The following SH3PXD2B variants were observed in gnomAD, a reference collection of about 807,000 sequenced individuals.
SH3PXD2B encodes SH3 and PX domains 2B, also known as SH3 and PX domain-containing protein 2B.
In SH3PXD2B, 37 loss-of-function variants were observed where a neutral mutation model predicts 73.1. That is an observed-to-expected ratio of 0.51 (90% CI 0.39 to 0.67). The LOEUF (loss-of-function observed/expected upper bound fraction) is 0.67. SH3PXD2B is among the 30% of genes least tolerant of loss of function. The pLI is 0.00. For missense variants in SH3PXD2B, 1,053 were observed against 1,197.8 expected, an observed-to-expected ratio of 0.88 and a Z score of 1.78; for synonymous variants, 457 against 480.5, an observed-to-expected ratio of 0.95 and a Z score of 0.64.
At chr5:172,348,666 T>TCTATCTATC (rs1561896712) in intron 10 of SH3PXD2B, among the ~76,000 whole-genome samples, 11 of 40,432 alleles carry the variant, frequency 2.7e-4, no homozygotes, top group African/African-American at 8.2e-4. Flanking sequence ...TATCTATCTA[T>TCTATCTATC]CTATCTATCT....
chr5:172,367,108 C>T (rs1439778326), intron 6 of SH3PXD2B, among the ~76,000 whole-genome samples: 2 of 149,736 alleles, frequency 1.3e-5, no homozygotes, highest in South Asian at 2.1e-4. Flanking sequence ...AGCTAATTTT[C>T]GTATTTTTAG....
intron 12 of SH3PXD2B, among the ~76,000 whole-genome samples, chr5:172,340,566 G>A (rs1756828682): frequency 6.6e-6 from 1 of 152,098 alleles, no homozygotes; most frequent in Admixed American, 6.5e-5. Context: ...GAAGTTAGCT[G>A]GCATTTATAG....
chr5:172,328,187 C>T (rs937513623), intron 12 of SH3PXD2B, among the ~76,000 whole-genome samples: 1 of 150,094 alleles, frequency 6.7e-6, no homozygotes, highest in Admixed American at 6.7e-5. Flanking sequence ...AGTACAATGG[C>T]GTGGTCTCAG....
chr5:172,413,826 T>C (rs945393486), intron 2 of SH3PXD2B, among the ~76,000 whole-genome samples: 5 of 152,208 alleles, frequency 3.3e-5, no homozygotes, highest in African/African-American at 9.7e-5. Flanking sequence ...GCACAACACG[T>C]TGGAGGCATA....
intron 4 of SH3PXD2B, among the ~76,000 whole-genome samples, chr5:172,386,066 T>C (rs1437223439): frequency 1.3e-5 from 2 of 152,184 alleles, no homozygotes; most frequent in East Asian, 1.9e-4. Context: ...CAAGTCCTGC[T>C]TGCAGAGGGT....
At chr5:172,401,628 G>A (rs771293474) in intron 3 of SH3PXD2B, among the ~76,000 whole-genome samples, 1 of 152,226 alleles carries the variant, frequency 6.6e-6, no homozygotes, top group Non-Finnish European at 1.5e-5. Flanking sequence ...CAGGGACCCC[G>A]AACGAAGGGA....
chr5:172,430,958 C>T (rs1428889444), intron 1 of SH3PXD2B, among the ~76,000 whole-genome samples: 3 of 152,082 alleles, frequency 2.0e-5, no homozygotes, highest in Non-Finnish European at 4.4e-5. Flanking sequence ...CCTCCACATC[C>T]CGGGTTCAAG....
At position 172,338,201 on chromosome 5, in the gene SH3PXD2B, C is replaced by G; in HGVS notation, c.*168G>C. 6.6e-7 allele frequency: 1 copy of G among 1,507,796 alleles called. No individual in the cohort carries two copies. The highest frequency in any genetic ancestry group is 2.5e-5 in the East Asian group (1 of 40,720). The allele number at this position is 1,507,796 out of a possible 1,614,324, so 93.4% of individuals were successfully genotyped here. On this transcript the variant is annotated 3_prime_UTR_variant, in exon 13 of 13. Transcript: ENST00000311601. The surrounding 1 kb of genome is among the most constrained non-coding windows in gnomAD (Gnocchi z 5.1). The stretch of plus-strand genomic sequence containing the variant: ...TAGGAGGGATCAGGCCCAGGGGCGC[C>G]CGAGGTGTCCGAAACTCACTCTCCA...
chr5:172,436,722 T>C (rs1350670425), intron 1 of SH3PXD2B, among the ~76,000 whole-genome samples: 1 of 152,220 alleles, frequency 6.6e-6, no homozygotes, highest in African/African-American at 2.4e-5. Context: ...ACGGAGGGGC[T>C]AGGGCTTCCG....
rs149057624 is a variant in SH3PXD2B, at chr5:172,341,909, G to A, written c.1189-1993C>T. 4.6e-3 allele frequency among the ~76,000 whole-genome samples: 700 copies of A among 151,844 alleles called. 2 individuals carry two copies. Among genetic ancestry groups the A allele is most frequent in the Middle Eastern group, 0.01 (3 of 292 alleles). ...CCTGACCTCGTGATCTGCCCATCTC[G>A]GCCTCCCAAAGTGCTGGGATTATAG... On this transcript the variant is annotated intron_variant, in intron 12 of 12. Transcript: ENST00000311601.
rs554063689 is a variant in SH3PXD2B at position 172,353,600 on chromosome 5, T to C, written c.785+288A>G. ...AGCTTTGGCCTCCAACTCCTCATTA[T>C]GAGAAACATCTGGAGGTGGAAACCA... On this transcript the variant is annotated intron_variant, in intron 9 of 12. Coordinates refer to ENST00000311601, the MANE Select transcript of SH3PXD2B (RefSeq NM_001017995.3). This position sits in a 1 kb window ranked among gnomAD's most constrained non-coding sequence, Gnocchi z 4.3. 1.1e-3 allele frequency among the ~76,000 whole-genome samples: 166 copies of C among 152,304 alleles called. 2 individuals carry two copies. Among genetic ancestry groups the C allele is most frequent in the East Asian group, 7.7e-4 (4 of 5,180 alleles).
intron 1 of SH3PXD2B, among the ~76,000 whole-genome samples, chr5:172,429,378 G>A (rs1297287519): frequency 6.6e-6 from 1 of 152,178 alleles, no homozygotes; most frequent in Non-Finnish European, 1.5e-5. Flanking sequence ...GAACAAGGAA[G>A]CACAGAAACC....
intron 1 of SH3PXD2B, among the ~76,000 whole-genome samples, chr5:172,435,264 T>C (rs1016493089): frequency 1.3e-5 from 2 of 152,198 alleles, no homozygotes; most frequent in African/African-American, 4.8e-5. Flanking sequence ...AAAAGTAATT[T>C]AAGTAAAAAT....
chr5:172,446,176 A>G (rs894322959), intron 1 of SH3PXD2B, among the ~76,000 whole-genome samples: 1 of 152,150 alleles, frequency 6.6e-6, no homozygotes, highest in South Asian at 2.1e-4. Flanking sequence ...ACCCCTCCTC[A>G]GGCATTCTGC....
chr5:172,362,662 A>C, intron 7 of SH3PXD2B, 73 bp downstream of exon 7: 1 of 1,610,442 alleles, frequency 6.2e-7, no homozygotes, highest in Non-Finnish European at 8.5e-7. Context: ...TCAGTTTCTG[A>C]GTTTCCAAAT....
At chr5:172,370,921 T>C (rs1016662323) in intron 6 of SH3PXD2B, among the ~76,000 whole-genome samples, 1 of 152,220 alleles carries the variant, frequency 6.6e-6, no homozygotes, top group South Asian at 2.1e-4. Flanking sequence ...GGCAGGCAAC[T>C]AAAGCTAAAT....
Position 172,334,766 on chromosome 5 carries a change from G to A in SH3PXD2B, c.*3603C>T, listed in dbSNP as rs546085815. On this transcript the variant is annotated 3_prime_UTR_variant, in exon 13 of 13. Coordinates refer to ENST00000311601, the MANE Select transcript of SH3PXD2B (RefSeq NM_001017995.3). The stretch of plus-strand genomic sequence containing the variant: ...GGAGAGGCGAAATAAATACCAGACT[G>A]TCCACTCCTCAGCCTAAGGTCCTTC... The A allele has an allele frequency of 1.3e-4, 126 of 985,434 alleles. No individual in the cohort carries two copies. In the Admixed American group the frequency reaches 3.5e-3, roughly 27 times the overall value. The allele number at this position is 985,434 out of a possible 1,614,324, so 61.0% of individuals were successfully genotyped here. A position where few individuals can be genotyped will look rare whatever the true frequency, so the allele number is the denominator to read the frequency against.
chr5:172,417,119 A>G (rs865887967), intron 2 of SH3PXD2B, among the ~76,000 whole-genome samples: 1 of 152,078 alleles, frequency 6.6e-6, no homozygotes, highest in African/African-American at 2.4e-5. Context: ...TGGAGGGGGC[A>G]TATTGTTTTC....
At chr5:172,442,230 C>G (rs1759565054) in intron 1 of SH3PXD2B, among the ~76,000 whole-genome samples, 1 of 152,164 alleles carries the variant, frequency 6.6e-6, no homozygotes, top group Non-Finnish European at 1.5e-5. Context: ...AGGCTGACTG[C>G]ACGGTCAGAG....
Sources: allele counts gnomAD v4.1 joint callset (sites outside exome capture counted in the v4.1 genomes callset), GRCh38; gene constraint gnomAD v4.1.1; non-coding constraint Gnocchi (gnomAD v3.1); transcripts MANE v1.5; gene names NCBI Gene and HGNC (gene_info 2026-07-23, HGNC 2026-07-21).